KLHL30: variants seen among roughly 807,000 people sequenced by gnomAD.
The protein encoded by KLHL30 is kelch like family member 30.
Under a neutral mutation model 55.0 loss-of-function variants are expected in KLHL30, and 55 were observed. That is an observed-to-expected ratio of 1.00 (90% CI 0.80 to 1.25). The LOEUF is 1.25. KLHL30 is among the 50% of genes most tolerant of loss of function. KLHL30 has a pLI of 0.00. For synonymous variants in KLHL30, 356 were observed against 372.6 expected (o/e 0.96, Z 0.51); for missense variants, 786 against 811.6 (o/e 0.97, Z 0.38).
In KLHL30 at chr2:238,144,944, G is replaced by A. The variant is rs766888270; in HGVS notation, c.950G>A (p.Trp317Ter). 1 of 1,611,478 alleles carries A rather than the reference G, an allele frequency of 6.2e-7. No individual in the cohort carries two copies. Among genetic ancestry groups the A allele is most frequent in the South Asian group, 1.1e-5 (1 of 90,252 alleles). ...CCAGACTTCCCCGACTATCACAAGTGGGGTTTCTCCCTGGCGGCCCTGAAC... is the reference window on the plus strand; with the variant it reads ...CCAGACTTCCCCGACTATCACAAGTAGGGTTTCTCCCTGGCGGCCCTGAAC... The part of the protein sequence containing the change: ...ALPDFPDYHK[W>*]GFSLAALNNN... Residue 317 changes from tryptophan (W) to a stop codon, truncating the protein, a stop_gained, in exon 4 of 8, where the codon TGG becomes TAG. Coordinates refer to ENST00000409223, the MANE Select transcript of KLHL30 (RefSeq NM_198582.4). LOFTEE classifies it high-confidence loss of function.
At chr2:238,149,183 GC>G in intron 7 of KLHL30, 31 bp downstream of exon 7, 1 of 1,610,292 alleles carries the variant, frequency 6.2e-7, no homozygotes. Context: ...ACATGTGTGA[GC>G]CCCTGCCCAG....
At chr2:238,148,926 G>A (rs12614994) in intron 6 of KLHL30, 81 bp from the exon 7 acceptor site, 87,385 of 1,405,786 alleles carry the variant, frequency 0.062, 4,620 homozygotes, top group African/African-American at 0.24. Flanking sequence ...ACTGAGTCCA[G>A]GGTCCCTCAG....
chr2:238,149,961 C>A (rs911293596), intron 7 of KLHL30, among the ~76,000 whole-genome samples: 1 of 152,180 alleles, frequency 6.6e-6, no homozygotes, highest in South Asian at 2.1e-4. Flanking sequence ...AGGTGGAACT[C>A]CTTCCTGCAG....
chr2:238,144,432 A>AAGGCAGGCAGGCAGGCAGGCAGGCAGGC (rs1165549782), intron 3 of KLHL30, among the ~76,000 whole-genome samples: 14 of 82,454 alleles, frequency 1.7e-4, no homozygotes, highest in South Asian at 4.1e-4. Flanking sequence ...GGAAGGAAGG[A>AAGGCAGGCAGGCAGGCAGGCAGGCAGGC]AGGCAGGCAG....
chr2:238,146,960 C>T (rs1190357384), intron 5 of KLHL30, among the ~76,000 whole-genome samples: 1 of 144,054 alleles, frequency 6.9e-6, no homozygotes, highest in African/African-American at 2.6e-5. Flanking sequence ...GAGCCGAGAT[C>T]AAGCCATTAC....
At position 238,149,163 on chromosome 2, in the gene KLHL30, C is replaced by T. The variant is rs777796279; in HGVS notation, c.1485+11C>T. 2 of 1,612,132 alleles carry T rather than the reference C, an allele frequency of 1.2e-6. No individual in the cohort carries two copies. The highest frequency in any genetic ancestry group is 2.2e-5 in the South Asian group (2 of 91,076). Reference sequence around the variant, plus strand: ...AACCTGTGGCAGAAGGTGGGCCGCCCCCTCCCCCAACATGTGTGAGCCCCT... The same window carrying T: ...AACCTGTGGCAGAAGGTGGGCCGCCTCCTCCCCCAACATGTGTGAGCCCCT... On this transcript the variant is annotated intron_variant, in intron 7 of 7. Coordinates refer to ENST00000409223, the MANE Select transcript of KLHL30 (RefSeq NM_198582.4).
Position 238,145,764 on chromosome 2 carries a change from C to T in KLHL30, c.1082C>T (p.Ala361Val), listed in dbSNP as rs760153473. The T allele has an allele frequency of 5.8e-5, 93 of 1,605,646 alleles. 1 individual carries two copies. The South Asian group carries it at 6.2e-4, about 11-fold the overall frequency. Residue 361 changes from alanine to valine, a missense_variant, in exon 5 of 8, where the codon GCG (alanine) becomes GTG (valine). Coordinates refer to ENST00000409223, the MANE Select transcript of KLHL30 (RefSeq NM_198582.4). Reference sequence around the variant, plus strand: ...AAGGAGGCCTCCTGGAAGCCCGTGGCGCCCATGCTGAAGCCCCGCACCAAC... The same window carrying T: ...AAGGAGGCCTCCTGGAAGCCCGTGGTGCCCATGCTGAAGCCCCGCACCAAC... Reference protein sequence around the residue: ...PLKEASWKPVAPMLKPRTNHA... With the variant: ...PLKEASWKPVVPMLKPRTNHA...
rs574282407 is a variant in KLHL30, at chr2:238,141,539, G to C, written c.774+11G>C. The C allele has an allele frequency of 7.0e-7, 1 of 1,435,474 alleles. No homozygotes were observed. The highest frequency in any genetic ancestry group is 9.1e-7 in the Non-Finnish European group (1 of 1,099,142). 88.9% of individuals were successfully genotyped at this position (1,435,474 alleles called of 1,614,324 possible). A position where few individuals can be genotyped will look rare whatever the true frequency, so the allele number is the denominator to read the frequency against. On this transcript the variant is annotated intron_variant, in intron 2 of 7. Transcript: ENST00000409223. ...CAGGGCCATGATGGGGTGAGTGAGC[G>C]GCTGGGAGGCCCCATCCCTGGGAAG... is the stretch of plus-strand genomic sequence containing the variant.
Position 238,142,780 on chromosome 2 carries a change from C to A in KLHL30, c.775-19C>A. The A allele has an allele frequency of 2.9e-6, 4 of 1,378,388 alleles. No individual in the cohort carries two copies. The highest frequency in any genetic ancestry group is 3.0e-5 in the East Asian group (1 of 33,148). 85.4% of individuals were successfully genotyped at this position (1,378,388 alleles called of 1,614,324 possible). On this transcript the variant is annotated intron_variant, in intron 2 of 7. Coordinates refer to ENST00000409223, the MANE Select transcript of KLHL30 (RefSeq NM_198582.4). ...GGGACACATTGCTGTTGCCCTGACC[C>A]TGGCCTCCCACCCCACAGGCACCAC...
Position 238,147,778 on chromosome 2 carries a change from T to C in KLHL30, c.1151-56T>C. The C allele has an allele frequency of 8.2e-7, 1 of 1,214,424 alleles. No homozygotes were observed. Among genetic ancestry groups the C allele is most frequent in the East Asian group, 2.9e-5 (1 of 34,046 alleles). The allele number at this position is 1,214,424 out of a possible 1,614,324, so 75.2% of individuals were successfully genotyped here. On this transcript the variant is annotated intron_variant, in intron 5 of 7. Coordinates refer to ENST00000409223, the MANE Select transcript of KLHL30 (RefSeq NM_198582.4). The surrounding 1 kb of genome is among the most constrained non-coding windows in gnomAD (Gnocchi z 5.8). ...CCTTACAAAGCCCCAGCCCCTGAGT[T>C]TCCAGGCCTCCCCTCTCCTCCCCAG...
chr2:238,142,966 GTC>G (rs769756060), intron 3 of KLHL30, 35 bp downstream of exon 3: 10 of 1,497,592 alleles, frequency 6.7e-6, no homozygotes, highest in Non-Finnish European at 8.8e-6. Flanking sequence ...CCCACCTGCT[GTC>G]TCTCTGTCCC....
At chr2:238,145,637 A>G (rs377274809) in intron 4 of KLHL30, 40 bp from the exon 5 acceptor site, 2 of 1,554,090 alleles carry the variant, frequency 1.3e-6, no homozygotes, top group African/African-American at 2.7e-5. Flanking sequence ...CTGGTGCCCC[A>G]GGCTGGTGGC....
rs183306126 is a variant in KLHL30 at position 238,139,734 on chromosome 2, G to A, written c.-70-951G>A. On this transcript the variant is annotated intron_variant, in intron 1 of 7. Coordinates refer to ENST00000409223, the MANE Select transcript of KLHL30 (RefSeq NM_198582.4). ...GACGCGCGGCCGCCTCTCCTGCCCG[G>A]GATGGCCCCGCGAGGCGCCCCCTAG... Among the ~76,000 whole-genome samples the A allele has an allele frequency of 4.6e-5, 7 of 152,332 alleles. No individual in the cohort carries two copies. The East Asian group carries it at 1.4e-3, about 29-fold the overall frequency.
At chr2:238,149,874 G>A (rs1692719990) in intron 7 of KLHL30, among the ~76,000 whole-genome samples, 4 of 152,174 alleles carry the variant, frequency 2.6e-5, no homozygotes, top group Admixed American at 1.3e-4. Flanking sequence ...AGGAAGTTGG[G>A]GATGGGTCCT....
rs1692568715 is a variant in KLHL30 at position 238,142,933 on chromosome 2, T to C, written c.907+2T>C. On this transcript the variant is annotated splice_donor_variant, in intron 3 of 7. Coordinates refer to ENST00000409223, the MANE Select transcript of KLHL30 (RefSeq NM_198582.4). LOFTEE classifies it high-confidence loss of function. Reference sequence around the variant, plus strand: ...TTGCCTTCTACAACAGCAAGGCCAGTGAGTACCCCTCCCGCGTCCAGACCC... The same window carrying C: ...TTGCCTTCTACAACAGCAAGGCCAGCGAGTACCCCTCCCGCGTCCAGACCC... 5 of 1,507,022 alleles carry C rather than the reference T, an allele frequency of 3.3e-6. No individual in the cohort carries two copies. Among genetic ancestry groups the C allele is most frequent in the Non-Finnish European group, 4.4e-6 (5 of 1,141,188 alleles). The allele number at this position is 1,507,022 out of a possible 1,614,324, so 93.4% of individuals were successfully genotyped here. A position where few individuals can be genotyped will look rare whatever the true frequency, so the allele number is the denominator to read the frequency against.
Position 238,147,317 on chromosome 2 carries a change from C to T in KLHL30, c.1151-517C>T, listed in dbSNP as rs185238872. 6.6e-6 allele frequency among the ~76,000 whole-genome samples: 1 copy of T among 152,106 alleles called. No homozygotes were observed. Among genetic ancestry groups the T allele is most frequent in the East Asian group, 1.9e-4 (1 of 5,144 alleles). The stretch of plus-strand genomic sequence containing the variant: ...GAGAGCAGAAAGCACCCAGGGCTCC[C>T]GAGCCCAGGGCTTGTGAGGTCCCCA... On this transcript the variant is annotated intron_variant, in intron 5 of 7. Coordinates refer to ENST00000409223, the MANE Select transcript of KLHL30 (RefSeq NM_198582.4). The surrounding 1 kb of genome is among the most constrained non-coding windows in gnomAD (Gnocchi z 5.8).
At position 238,142,858 on chromosome 2, in the gene KLHL30, G is replaced by A. The variant is rs761899831; in HGVS notation, c.834G>A (p.Ala278=). 8.2e-6 allele frequency: 12 copies of A among 1,469,180 alleles called. No individual in the cohort carries two copies. Among genetic ancestry groups the A allele is most frequent in the East Asian group, 2.7e-5 (1 of 36,534 alleles). The allele number at this position is 1,469,180 out of a possible 1,614,324, so 91.0% of individuals were successfully genotyped here. A position where few individuals can be genotyped will look rare whatever the true frequency, so the allele number is the denominator to read the frequency against. Residue 278 remains alanine (A), a synonymous_variant, in exon 3 of 8, where the codon GCG becomes GCA. Transcript: ENST00000409223. The stretch of plus-strand genomic sequence containing the variant: ...TCCTGGTGGTGGTGGGCGGGCAGGC[G>A]CTGGAGGAGGAGGAGGCAGGTGAGG... The part of the protein sequence containing the change: ...EEVLVVVGGQ[A]LEEEEAGEEP...
intron 2 of KLHL30, among the ~76,000 whole-genome samples, chr2:238,142,355 T>A (rs978289057): frequency 6.6e-6 from 1 of 152,144 alleles, no homozygotes; most frequent in African/African-American, 2.4e-5. Context: ...GGTCACCTTG[T>A]ATTCTAATTC....
intron 7 of KLHL30, among the ~76,000 whole-genome samples, chr2:238,150,190 T>TC (rs1380946221): frequency 1.3e-5 from 2 of 152,092 alleles, no homozygotes; most frequent in Admixed American, 1.3e-4. Flanking sequence ...CAGGCTCAGG[T>TC]CCCAGCACAG....
Sources: allele counts gnomAD v4.1 joint callset (sites outside exome capture counted in the v4.1 genomes callset), GRCh38; gene constraint gnomAD v4.1.1; non-coding constraint Gnocchi (gnomAD v3.1); transcripts MANE v1.5; gene names NCBI Gene and HGNC (gene_info 2026-07-23, HGNC 2026-07-21).